Variants in EYS observed in about 807,000 individuals in gnomAD.
The protein encoded by EYS is EGF-like photoreceptor maintenance factor.
Under a neutral mutation model 282.1 loss-of-function variants are expected in EYS, and 250 were observed. That is an observed-to-expected ratio of 0.89 (90% CI 0.80 to 0.98). The LOEUF is 0.98. Ranked by LOEUF, EYS falls within the 50% of genes least tolerant of loss-of-function variation. The probability of loss-of-function intolerance (pLI) is 0.00; values close to 1 mark genes in which losing one functional copy is unlikely to be tolerated. For synonymous variants in EYS, 1,355 were observed against 1,282.9 expected, an observed-to-expected ratio of 1.06 and a Z score of -1.20; for missense variants, 4,016 against 3,709.0, an observed-to-expected ratio of 1.08 and a Z score of -2.15.
At chr6:64,435,504 C>T (rs1200328657) in intron 28 of EYS, among the ~76,000 whole-genome samples, 1 of 148,480 alleles carries the variant, frequency 6.7e-6, no homozygotes, top group African/African-American at 2.5e-5. Context: ...TAATCTATTG[C>T]CAGAAAATAA....
intron 37 of EYS, chr6:63,797,643 C>T (rs1239128441): frequency 6.6e-6 from 1 of 152,160 alleles, no homozygotes; most frequent in African/African-American, 2.4e-5. Context: ...GTTTTGAGAG[C>T]ATTAGAACCA....
intron 35 of EYS, among the ~76,000 whole-genome samples, chr6:63,951,539 C>A (rs1249110890): frequency 6.6e-6 from 1 of 152,100 alleles, no homozygotes; most frequent in Non-Finnish European, 1.5e-5. Flanking sequence ...ACCCATCTGA[C>A]TTCTCCCCTC....
At chr6:64,499,259 A>G (rs1378020777) in intron 26 of EYS, among the ~76,000 whole-genome samples, 1 of 152,202 alleles carries the variant, frequency 6.6e-6, no homozygotes, top group East Asian at 1.9e-4. Flanking sequence ...TTATTTCCCA[A>G]AACTCCTCCC....
chr6:64,916,123 G>A (rs574755143), intron 15 of EYS, among the ~76,000 whole-genome samples: 1 of 152,250 alleles, frequency 6.6e-6, no homozygotes, highest in Admixed American at 6.5e-5. Flanking sequence ...GAGGAGAAAA[G>A]CTAGAGAATT....
intron 13 of EYS, among the ~76,000 whole-genome samples, chr6:65,019,115 T>G (rs973747854): frequency 6.6e-6 from 1 of 152,192 alleles, no homozygotes; most frequent in Non-Finnish European, 1.5e-5. Flanking sequence ...TATTTTTGGG[T>G]ACCATATGGT....
At chr6:64,197,063 T>A (rs2150319812) in intron 31 of EYS, among the ~76,000 whole-genome samples, 1 of 152,246 alleles carries the variant, frequency 6.6e-6, no homozygotes, top group East Asian at 1.9e-4. Context: ...TTTCCAAAGA[T>A]AATATATCAC....
intron 26 of EYS, among the ~76,000 whole-genome samples, chr6:64,450,742 T>G (rs968367261): frequency 1.3e-4 from 20 of 152,286 alleles, no homozygotes; most frequent in Admixed American, 2.6e-4. Context: ...CTGAACAACC[T>G]GCTCCTGAAT....
intron 26 of EYS, among the ~76,000 whole-genome samples, chr6:64,442,779 T>C (rs1306225399): frequency 6.8e-6 from 1 of 147,372 alleles, no homozygotes; most frequent in Non-Finnish European, 1.5e-5. Flanking sequence ...AAGTCAAGAA[T>C]TGAGATTTGG....
At chr6:63,735,953 T>A (rs1297127612) in intron 41 of EYS, among the ~76,000 whole-genome samples, 1 of 152,184 alleles carries the variant, frequency 6.6e-6, no homozygotes, top group African/African-American at 2.4e-5. Context: ...TTTGTAGAAA[T>A]GACGTGCACA....
At chr6:65,438,137 G>A (rs1035440939) in intron 5 of EYS, among the ~76,000 whole-genome samples, 3 of 151,786 alleles carry the variant, frequency 2.0e-5, no homozygotes, top group Non-Finnish European at 4.4e-5. Context: ...ATAGTTTGCT[G>A]AGAATGATGG....
At chr6:64,183,087 C>G (rs770878023) in intron 31 of EYS, among the ~76,000 whole-genome samples, 46 of 152,240 alleles carry the variant, frequency 3.0e-4, no homozygotes, top group Middle Eastern at 3.4e-3. Flanking sequence ...TGAGTTCTCA[C>G]AAGATCCGAT....
intron 2 of EYS, among the ~76,000 whole-genome samples, chr6:65,544,639 T>C (rs1186767146): frequency 6.6e-6 from 1 of 152,194 alleles, no homozygotes; most frequent in Non-Finnish European, 1.5e-5. Context: ...ATTAAACCTC[T>C]TTCCTTTATA....
chr6:64,143,146 C>T (rs77340639), intron 31 of EYS, among the ~76,000 whole-genome samples: 3 of 151,826 alleles, frequency 2.0e-5, no homozygotes, highest in Non-Finnish European at 2.9e-5. Flanking sequence ...TGAAAATATC[C>T]GTGGTTGCCA....
chr6:64,484,095 TCA>T (rs1688503398), intron 26 of EYS, among the ~76,000 whole-genome samples: 1 of 151,576 alleles, frequency 6.6e-6, no homozygotes, highest in Non-Finnish European at 1.5e-5. Context: ...TGAGTGAAAA[TCA>T]CACAGGATTT....
Position 63,721,611 on chromosome 6 carries a change from T to A in EYS, c.8420A>T (p.Lys2807Met). ...LDLDGINVTE[K>M]ASTKMSSLDT... ...CAGAGAACTCATTTTAGTGGAGGCC[T>A]TTTCTGTTACATTTATCCCATCTAG... Residue 2807 changes from lysine to methionine, a missense_variant, in exon 43 of 43, where the codon AAG becomes ATG. Transcript: ENST00000503581. 2 of 1,550,930 alleles carry A rather than the reference T, an allele frequency of 1.3e-6. No individual in the cohort carries two copies. Among genetic ancestry groups the A allele is most frequent in the Non-Finnish European group, 1.7e-6 (2 of 1,146,198 alleles).
intron 33 of EYS, among the ~76,000 whole-genome samples, chr6:64,002,281 C>T (rs1768132914): frequency 6.6e-6 from 1 of 152,146 alleles, no homozygotes; most frequent in South Asian, 2.1e-4. Flanking sequence ...TTGCTGAGAG[C>T]CACCTCCACC....
At chr6:63,832,682 T>C (rs1582256024) in intron 36 of EYS, among the ~76,000 whole-genome samples, 2 of 152,044 alleles carry the variant, frequency 1.3e-5, no homozygotes. Context: ...TTCCAATCAA[T>C]AGAAAAAGAG....
chr6:64,743,992 ACT>A (rs983425938), intron 22 of EYS, among the ~76,000 whole-genome samples: 1 of 152,024 alleles, frequency 6.6e-6, no homozygotes, highest in African/African-American at 2.4e-5. Context: ...TGCATAGATG[ACT>A]CTTTGTAAAA....
intron 26 of EYS, among the ~76,000 whole-genome samples, chr6:64,526,368 T>C (rs1373138974): frequency 6.6e-6 from 1 of 151,866 alleles, no homozygotes; most frequent in Non-Finnish European, 1.5e-5. Context: ...AATCTCTGTA[T>C]CATCTCTTAC....
Sources: allele counts gnomAD v4.1 joint callset (sites outside exome capture counted in the v4.1 genomes callset), GRCh38; gene constraint gnomAD v4.1.1; transcripts MANE v1.5; gene names NCBI Gene and HGNC (gene_info 2026-07-23, HGNC 2026-07-21).